The following BTBD16 variants were observed in gnomAD, a reference collection of about 807,000 sequenced individuals.
BTBD16 encodes the protein BTB domain containing 16.
Under a neutral mutation model 67.4 loss-of-function variants are expected in BTBD16, and 66 were observed. The observed-to-expected ratio is 0.98, with a 90% CI of 0.80 to 1.20. The LOEUF is 1.20. Ranked by LOEUF, BTBD16 falls within the 50% of genes most tolerant of loss-of-function variation. BTBD16 has a pLI of 0.00. For synonymous variants in BTBD16, 242 were observed against 236.4 expected (o/e 1.02, Z -0.22); for missense variants, 634 against 616.0 (o/e 1.03, Z -0.31).
chr10:122,294,291 C>A, intron 7 of BTBD16: 1 of 883,560 alleles, frequency 1.1e-6, no homozygotes, highest in Non-Finnish European at 1.4e-6. Context: ...TCACAACGTT[C>A]AGGTGCTGAG....
intron 9 of BTBD16, among the ~76,000 whole-genome samples, chr10:122,301,665 G>A (rs1022987360): frequency 6.6e-6 from 1 of 152,190 alleles, no homozygotes; most frequent in Non-Finnish European, 1.5e-5. Context: ...TCATATTAGG[G>A]TGCTTGTGAG....
chr10:122,334,875 A>G lies in BTBD16; in HGVS notation c.1165-6A>G, dbSNP rs775906599. The G allele has an allele frequency of 1.6e-5, 24 of 1,518,764 alleles. 1 individual carries two copies. In the Admixed American group the frequency reaches 3.5e-4, roughly 22 times the overall value. 94.1% of individuals were successfully genotyped at this position (1,518,764 alleles called of 1,614,324 possible). ...TTCACTTTGTTGTTTCTCTTTCCCA[A>G]TTTAGGAGAATACAACTTATTCGAA... is the stretch of plus-strand genomic sequence containing the variant. On this transcript the variant is annotated splice_polypyrimidine_tract_variant and splice_region_variant and intron_variant, in intron 13 of 15. Coordinates refer to ENST00000260723, the MANE Select transcript of BTBD16 (RefSeq NM_144587.5).
chr10:122,296,484 C>T (rs1416294556), intron 7 of BTBD16, among the ~76,000 whole-genome samples: 1 of 152,104 alleles, frequency 6.6e-6, no homozygotes, highest in Non-Finnish European at 1.5e-5. Context: ...TTAGGACAAC[C>T]ATTGAGTCAT....
chr10:122,325,335 G>A lies in BTBD16; in HGVS notation c.912-4145G>A, dbSNP rs536094056. Among the ~76,000 whole-genome samples, 15 of 152,328 alleles carry A rather than the reference G, an allele frequency of 9.8e-5. No individual in the cohort carries two copies. In the South Asian group the frequency reaches 1.2e-3, roughly 13 times the overall value. On this transcript the variant is annotated intron_variant, in intron 10 of 15. Coordinates refer to ENST00000260723, the MANE Select transcript of BTBD16 (RefSeq NM_144587.5). ...CAGACACAAACCCTGTCATCATGGA[G>A]CTTGCAATCTAGGAGCAGAGACAAG...
At chr10:122,331,097 T>A in intron 11 of BTBD16, 79 bp from the exon 12 acceptor site, 1 of 1,546,234 alleles carries the variant, frequency 6.5e-7, no homozygotes, top group Non-Finnish European at 8.7e-7. Context: ...GACTTCTTCC[T>A]TTTCCTTTCT....
chr10:122,275,231 G>A lies in BTBD16; in HGVS notation c.18+132G>A, dbSNP rs539682689. 9 of 875,722 alleles carry A rather than the reference G, an allele frequency of 1.0e-5. No individual in the cohort carries two copies. In the South Asian group the frequency reaches 1.3e-4, roughly 13 times the overall value. 54.2% of individuals were successfully genotyped at this position (875,722 alleles called of 1,614,324 possible). ...TCAAGCATTATTGGCTGACTCGGCTGGAAAGAGCGCGTCCAGGCAGCACCG... is the reference window on the plus strand; with the variant it reads ...TCAAGCATTATTGGCTGACTCGGCTAGAAAGAGCGCGTCCAGGCAGCACCG... On this transcript the variant is annotated intron_variant, in intron 2 of 15. Transcript: ENST00000260723.
At chr10:122,289,621 C>G (rs1355810077) in intron 5 of BTBD16, among the ~76,000 whole-genome samples, 19 of 151,946 alleles carry the variant, frequency 1.3e-4, no homozygotes, top group Admixed American at 1.2e-3. Flanking sequence ...GCCTATAATC[C>G]CAGCTACTTG....
intron 8 of BTBD16, among the ~76,000 whole-genome samples, 164 bp downstream of exon 8, chr10:122,298,001 T>C (rs1461568186): frequency 6.6e-6 from 1 of 152,092 alleles, no homozygotes; most frequent in African/African-American, 2.4e-5. Flanking sequence ...TTTTTTTTTT[T>C]AAACCATCAT....
intron 2 of BTBD16, 81 bp downstream of exon 2, chr10:122,275,180 G>T (rs2142040356): frequency 1.4e-6 from 2 of 1,412,112 alleles, no homozygotes; most frequent in African/African-American, 1.4e-5. Context: ...TTCCACAAGG[G>T]GCTGGGTTCT....
intron 7 of BTBD16, among the ~76,000 whole-genome samples, chr10:122,293,032 G>A (rs2142069697): frequency 6.6e-6 from 1 of 152,278 alleles, no homozygotes; most frequent in Non-Finnish European, 1.5e-5. Flanking sequence ...GGCTTTTTGA[G>A]GGATGTGTGC....
At chr10:122,327,816 C>T (rs887219193) in intron 10 of BTBD16, among the ~76,000 whole-genome samples, 6 of 152,200 alleles carry the variant, frequency 3.9e-5, no homozygotes, top group Non-Finnish European at 7.3e-5. Flanking sequence ...CTTGCCCCTG[C>T]CAGCAGCCTT....
intron 3 of BTBD16, among the ~76,000 whole-genome samples, chr10:122,279,511 AACACACAC>A (rs143637448): frequency 3.7e-4 from 53 of 143,978 alleles, no homozygotes; most frequent in African/African-American, 1.2e-3. Context: ...GAGAAAGAGA[AACACACAC>A]ACACACACAC....
chr10:122,338,018 C>T lies in BTBD16; in HGVS notation c.1454C>T (p.Thr485Ile), dbSNP rs146965861. 96 of 1,609,882 alleles carry T rather than the reference C, an allele frequency of 6.0e-5. No homozygotes were observed. The African/African-American group carries it at 1.2e-3, about 20-fold the overall frequency. ...ACTTTGTTTTTTTTCATGTTTTAGACCTTGAAAATCCAAACTGTGGGCATC... is the reference window on the plus strand; with the variant it reads ...ACTTTGTTTTTTTTCATGTTTTAGATCTTGAAAATCCAAACTGTGGGCATC... ...GLTTSSCKSH[T>I]LKIQTVGIPI... The change falls in exon 16 of 16, where the codon ACC becomes ATC. Residue 485 changes from threonine to isoleucine, a missense_variant and splice_region_variant. Physicochemically the swap from Thr to Ile is moderately conservative, Grantham distance 89 (BLOSUM62 -1). Transcript: ENST00000260723.
intron 5 of BTBD16, 70 bp from the exon 6 acceptor site, chr10:122,289,839 T>G: frequency 9.6e-7 from 1 of 1,044,602 alleles, no homozygotes; most frequent in South Asian, 1.3e-5. Context: ...GCCAGGGTGG[T>G]GGGTGCCTCC....
chr10:122,321,339 A>G, intron 10 of BTBD16, among the ~76,000 whole-genome samples: 1 of 152,170 alleles, frequency 6.6e-6, no homozygotes, highest in East Asian at 1.9e-4. Flanking sequence ...TCTTCTTGGT[A>G]GAATGATTTA....
intron 13 of BTBD16, among the ~76,000 whole-genome samples, chr10:122,334,644 C>A (rs2096460599): frequency 6.7e-6 from 1 of 148,430 alleles, no homozygotes; most frequent in Admixed American, 6.8e-5. Flanking sequence ...GTAGCTGGGA[C>A]TACAGGCACG....
At chr10:122,283,565 A>G in intron 3 of BTBD16, among the ~76,000 whole-genome samples, 1 of 152,212 alleles carries the variant, frequency 6.6e-6, no homozygotes, top group East Asian at 1.9e-4. Flanking sequence ...TGTTTTAGAC[A>G]CTGAATAAGG....
intron 10 of BTBD16, among the ~76,000 whole-genome samples, chr10:122,309,233 C>T (rs1270283525): frequency 7.9e-5 from 12 of 152,150 alleles, no homozygotes; most frequent in African/African-American, 2.9e-4. Flanking sequence ...TTCAAGTGAT[C>T]CTCTCGCCTC....
At chr10:122,322,347 T>A (rs7911989) in intron 10 of BTBD16, among the ~76,000 whole-genome samples, 83,789 of 151,790 alleles carry the variant, frequency 0.55, 24,008 homozygotes, top group African/African-American at 0.72. Flanking sequence ...CGAGTTTTGA[T>A]ATAATATGCA....
Sources: gnomAD v4.1 joint callset for allele counts (sites outside exome capture counted in the v4.1 genomes callset) on GRCh38, gnomAD v4.1.1 for gene constraint, MANE v1.5 for transcripts, NCBI Gene and HGNC (gene_info 2026-07-23, HGNC 2026-07-21) for gene names.